Variants in HIF1A observed in about 807,000 individuals in gnomAD.
HIF1A encodes the protein hypoxia-inducible factor 1-alpha.
HIF1A carries 24 observed loss-of-function variants against 92.7 expected under a neutral mutation model. That is an observed-to-expected ratio of 0.26 (90% CI 0.19 to 0.36). The LOEUF (loss-of-function observed/expected upper bound fraction) is 0.36, where lower values mean the gene tolerates loss of function less well. Ranked by LOEUF, HIF1A falls within the 10% of genes least tolerant of loss-of-function variation. The pLI is 1.00. For synonymous variants in HIF1A, 319 were observed against 338.7 expected (o/e 0.94, Z 0.64); for missense variants, 799 against 998.5 (o/e 0.80, Z 2.69).
At chr14:61,711,047 C>CAAAAA in intron 1 of HIF1A, among the ~76,000 whole-genome samples, 1 of 113,488 alleles carries the variant, frequency 8.8e-6, no homozygotes, top group Non-Finnish European at 1.9e-5. Flanking sequence ...GACTCTGTCT[C>CAAAAA]AAAAAAAAAA....
chr14:61,711,939 A>G (rs931792971), intron 1 of HIF1A, among the ~76,000 whole-genome samples: 4 of 152,260 alleles, frequency 2.6e-5, no homozygotes, highest in Admixed American at 2.6e-4. Flanking sequence ...GCCAGCACAT[A>G]ATTGAATACT....
At chr14:61,732,969 G>GA (rs2044594223) in intron 7 of HIF1A, among the ~76,000 whole-genome samples, 3 of 152,220 alleles carry the variant, frequency 2.0e-5, no homozygotes, top group Admixed American at 2.0e-4. Flanking sequence ...ATGGGTTCAT[G>GA]AAATATTTTG....
chr14:61,746,904 G>A, intron 14 of HIF1A, 30 bp from the exon 15 acceptor site: 1 of 1,535,822 alleles, frequency 6.5e-7, no homozygotes, highest in East Asian at 2.3e-5. Flanking sequence ...CTAGATGAAT[G>A]TATACTTAGG....
intron 1 of HIF1A, among the ~76,000 whole-genome samples, chr14:61,697,464 T>G (rs989625479): frequency 1.3e-5 from 2 of 152,214 alleles, no homozygotes; most frequent in Admixed American, 1.3e-4. Flanking sequence ...CCACTTTTTT[T>G]ATATACAGTA....
intron 1 of HIF1A, among the ~76,000 whole-genome samples, chr14:61,711,927 C>T (rs1479113198): frequency 6.6e-6 from 1 of 152,138 alleles, no homozygotes; most frequent in Non-Finnish European, 1.5e-5. Flanking sequence ...TTCATACATT[C>T]AGCCAGCACA....
chr14:61,745,827 T>C lies in HIF1A; in HGVS notation c.2329+10T>C. ...ATTTTAATACCCTCTGGTTAGTTTA[T>C]TCTTTTTGACCTTGAACATCACAAA... On this transcript the variant is annotated intron_variant, in intron 14 of 14. Transcript: ENST00000337138. The C allele has an allele frequency of 6.2e-7, 1 of 1,600,276 alleles. No individual in the cohort carries two copies. Among genetic ancestry groups the C allele is most frequent in the Non-Finnish European group, 8.5e-7 (1 of 1,172,238 alleles).
Position 61,695,762 on chromosome 14 carries a change from TG to T in HIF1A, c.-38del, listed in dbSNP as rs1469831357. 1.3e-6 allele frequency: 2 copies of T among 1,565,572 alleles called. No homozygotes were observed. The highest frequency in any genetic ancestry group is 1.7e-6 in the Non-Finnish European group (2 of 1,156,874). ...GCCAGCGCTTAGGCCGGAGCGAGCCTGGGGGCCGCCCGCCGTGAAGACATCG... is the reference window on the plus strand; with the variant it reads ...GCCAGCGCTTAGGCCGGAGCGAGCCTGGGGCCGCCCGCCGTGAAGACATCG... On this transcript the variant is annotated 5_prime_UTR_variant, in exon 1 of 15. Coordinates refer to ENST00000337138, the MANE Select transcript of HIF1A (RefSeq NM_001530.4).
intron 6 of HIF1A, among the ~76,000 whole-genome samples, chr14:61,731,484 T>A (rs1032936998): frequency 6.6e-6 from 1 of 152,262 alleles, no homozygotes; most frequent in Non-Finnish European, 1.5e-5. Context: ...TATTGTTTTA[T>A]CTGAAATTAC....
chr14:61,727,376 C>G (rs2044518850), intron 5 of HIF1A, 77 bp from the exon 6 acceptor site: 1 of 1,057,494 alleles, frequency 9.5e-7, no homozygotes, highest in African/African-American at 1.6e-5. Flanking sequence ...CCATGTCAGA[C>G]TCAACTACTT....
At position 61,734,285 on chromosome 14, in the gene HIF1A, GGTAA is replaced by G. The variant is rs745320797; in HGVS notation, c.1028+7_1028+10del. On this transcript the variant is annotated splice_donor_variant and splice_donor_region_variant and intron_variant, in intron 8 of 14. Transcript: ENST00000337138. LOFTEE classifies it high-confidence loss of function. The stretch of plus-strand genomic sequence containing the variant: ...ATTGTATGTGTGAATTACGTTGTGA[GGTAA>G]GTAAGTTTGAGAAATAAACATTTTT... 1.9e-5 allele frequency: 30 copies of G among 1,599,938 alleles called. No individual in the cohort carries two copies. Among genetic ancestry groups the G allele is most frequent in the African/African-American group, 2.7e-5 (2 of 74,410 alleles).
In HIF1A at chr14:61,695,655, T is replaced by C; in HGVS notation, c.-150T>C. On this transcript the variant is annotated 5_prime_UTR_variant, in exon 1 of 15. Coordinates refer to ENST00000337138, the MANE Select transcript of HIF1A (RefSeq NM_001530.4). ...GACCCCGGCGATTGCCGCCCGCTTC[T>C]CTCTAGTCTCACGAGGGGTTTCCCG... The C allele has an allele frequency of 1.3e-6, 1 of 799,892 alleles. No individual in the cohort carries two copies. The highest frequency in any genetic ancestry group is 1.8e-5 in the South Asian group (1 of 56,408). 49.5% of individuals were successfully genotyped at this position (799,892 alleles called of 1,614,324 possible).
At position 61,695,917 on chromosome 14, in the gene HIF1A, C is replaced by T. The variant is rs536596128; in HGVS notation, c.35+78C>T. The T allele has an allele frequency of 1.0e-5, 14 of 1,405,286 alleles. No homozygotes were observed. In the African/African-American group the frequency reaches 2.0e-4, roughly 20 times the overall value. 87.1% of individuals were successfully genotyped at this position (1,405,286 alleles called of 1,614,324 possible). On this transcript the variant is annotated intron_variant, in intron 1 of 14. Transcript: ENST00000337138. ...TGCCCGCCCTGGGCTCCTGGGCCGG[C>T]CTCGGCGTTAATGGGATTGGGGGGG...
Position 61,740,873 on chromosome 14 carries a change from C to T in HIF1A, c.1778C>T (p.Ala593Val). ...LESSSASPES[A>V]SPQSTVTVFQ... ...AGCAGTTCCGCAAGCCCTGAAAGCG[C>T]AAGTCCTCAAAGCACAGTTACAGTA... The change falls in exon 12 of 15, where the codon GCA (alanine) becomes GTA (valine). Residue 593 changes from alanine (A) to valine (V), a missense_variant. By Grantham distance (64) the Ala-to-Val change is moderately conservative. Coordinates refer to ENST00000337138, the MANE Select transcript of HIF1A (RefSeq NM_001530.4). The T allele has an allele frequency of 6.2e-7, 1 of 1,614,176 alleles. No homozygotes were observed.
intron 6 of HIF1A, 145 bp from the exon 7 acceptor site, chr14:61,732,272 AT>A: frequency 1.7e-6 from 1 of 603,592 alleles, no homozygotes; most frequent in Non-Finnish European, 3.0e-6. Context: ...TGAGGTGTAA[AT>A]TTATTCTAAG....
chr14:61,708,817 T>A (rs577823958), intron 1 of HIF1A, among the ~76,000 whole-genome samples: 1 of 152,348 alleles, frequency 6.6e-6, no homozygotes, highest in East Asian at 1.9e-4. Flanking sequence ...CAGGGGACTG[T>A]GATGAAAACT....
At chr14:61,725,879 GCA>G (rs1242148514) in intron 4 of HIF1A, among the ~76,000 whole-genome samples, 1 of 151,478 alleles carries the variant, frequency 6.6e-6, no homozygotes, top group Admixed American at 6.6e-5. Flanking sequence ...GAGTGCAGTG[GCA>G]CAGTCTCAGC....
chr14:61,740,978 C>G lies in HIF1A; in HGVS notation c.1883C>G (p.Thr628Arg). The G allele has an allele frequency of 6.2e-7, 1 of 1,613,964 alleles. No individual in the cohort carries two copies. The highest frequency in any genetic ancestry group is 8.5e-7 in the Non-Finnish European group (1 of 1,179,850). Residue 628 changes from threonine (T) to arginine (R), a missense_variant, in exon 12 of 15, where the codon ACA (threonine) becomes AGA (arginine). Physicochemically the swap from Thr to Arg is moderately conservative, Grantham distance 71. Coordinates refer to ENST00000337138, the MANE Select transcript of HIF1A (RefSeq NM_001530.4). Reference sequence around the variant, plus strand: ...ACCACTGATGAATTAAAAACAGTGACAAAAGACCGTATGGAAGACATTAAA... The same window carrying G: ...ACCACTGATGAATTAAAAACAGTGAGAAAAGACCGTATGGAAGACATTAAA... ...TATTDELKTV[T>R]KDRMEDIKIL...
chr14:61,747,119 C>T lies in HIF1A; in HGVS notation c.*34C>T. 1 of 1,581,138 alleles carries T rather than the reference C, an allele frequency of 6.3e-7. No homozygotes were observed. The highest frequency in any genetic ancestry group is 8.6e-7 in the Non-Finnish European group (1 of 1,164,548). ...TTAATTTCATTCCTTTTTTTGGACA[C>T]TGGTGGCTCATTACCTAAAGCAGTC... On this transcript the variant is annotated 3_prime_UTR_variant, in exon 15 of 15. Coordinates refer to ENST00000337138, the MANE Select transcript of HIF1A (RefSeq NM_001530.4).
At chr14:61,730,460 A>G (rs1297862557) in intron 6 of HIF1A, among the ~76,000 whole-genome samples, 3 of 152,064 alleles carry the variant, frequency 2.0e-5, no homozygotes, top group Admixed American at 6.5e-5. Flanking sequence ...CCCCCTACCT[A>G]CTTCTTCAGC....
Sources: allele counts gnomAD v4.1 joint callset (sites outside exome capture counted in the v4.1 genomes callset), GRCh38; gene constraint gnomAD v4.1.1; transcripts MANE v1.5; gene names NCBI Gene and HGNC (gene_info 2026-07-23, HGNC 2026-07-21).